Variants in CCDC83 observed in about 807,000 individuals in gnomAD.
CCDC83 encodes coiled-coil domain-containing protein 83.
Under a neutral mutation model 50.1 loss-of-function variants are expected in CCDC83, and 54 were observed. The observed-to-expected ratio is 1.08, with a 90% CI of 0.87 to 1.35. The LOEUF (loss-of-function observed/expected upper bound fraction) is 1.35, where lower values mean the gene tolerates loss of function less well. CCDC83 is among the 40% of genes most tolerant of loss of function. CCDC83 has a pLI of 0.00. For missense variants in CCDC83, 518 were observed against 473.9 expected (o/e 1.09, Z -0.86); for synonymous variants, 161 against 153.3 (o/e 1.05, Z -0.37).
At chr11:85,877,147 T>C (rs1261170709) in intron 3 of CCDC83, among the ~76,000 whole-genome samples, 1 of 152,192 alleles carries the variant, frequency 6.6e-6, no homozygotes. Flanking sequence ...TGATATTAAA[T>C]TTATATATAA....
Position 85,919,870 on chromosome 11 carries a change from T to C in CCDC83, c.*360T>C, listed in dbSNP as rs924734605. 8.7e-5 allele frequency: 20 copies of C among 229,132 alleles called. No homozygotes were observed. The highest frequency in any genetic ancestry group is 1.3e-4 in the Non-Finnish European group (15 of 118,346). The allele number at this position is 229,132 out of a possible 1,614,324, so 14.2% of individuals were successfully genotyped here. On this transcript the variant is annotated 3_prime_UTR_variant, in exon 11 of 11. Coordinates refer to ENST00000342404, the MANE Select transcript of CCDC83 (RefSeq NM_001286159.2). ...TCTAAGAAAAACTTAGAAGTTTGCATAGCATTGTCTACACATCTTTCCCTC... is the reference window on the plus strand; with the variant it reads ...TCTAAGAAAAACTTAGAAGTTTGCACAGCATTGTCTACACATCTTTCCCTC...
intron 6 of CCDC83, among the ~76,000 whole-genome samples, chr11:85,898,030 C>A (rs78563874): frequency 6.6e-6 from 1 of 151,602 alleles, no homozygotes; most frequent in Non-Finnish European, 1.5e-5. Context: ...CAGTGGTGGG[C>A]GCCTGTAATC....
intron 5 of CCDC83, 66 bp downstream of exon 5, chr11:85,886,433 A>T: frequency 7.7e-6 from 10 of 1,305,320 alleles, no homozygotes; most frequent in Non-Finnish European, 9.2e-6. Flanking sequence ...ACATTGATGG[A>T]AGAAAAAAGT....
chr11:85,866,686 A>G (rs2093209220), intron 2 of CCDC83, among the ~76,000 whole-genome samples: 1 of 152,000 alleles, frequency 6.6e-6, no homozygotes, highest in Non-Finnish European at 1.5e-5. Flanking sequence ...AAACAGAAAA[A>G]AACATGGCTA....
chr11:85,899,617 G>C (rs2093391576), intron 7 of CCDC83, among the ~76,000 whole-genome samples: 1 of 152,120 alleles, frequency 6.6e-6, no homozygotes, highest in South Asian at 2.1e-4. Flanking sequence ...TCCTTCCCCA[G>C]TGTTTTCTTG....
rs1022591661 is a variant in CCDC83, at chr11:85,879,102, G to C, written c.181-3411G>C. On this transcript the variant is annotated intron_variant, in intron 3 of 10. Transcript: ENST00000342404. ...AGTTTGTCTTTCATCCTCACAAAAAGGTCTGTAACAGAGTAAAAGTTTTTA... is the reference window on the plus strand; with the variant it reads ...AGTTTGTCTTTCATCCTCACAAAAACGTCTGTAACAGAGTAAAAGTTTTTA... 4.0e-4 allele frequency among the ~76,000 whole-genome samples: 61 copies of C among 152,048 alleles called. 1 individual carries two copies. The highest frequency in any genetic ancestry group is 9.8e-4 in the Admixed American group (15 of 15,266).
chr11:85,860,334 A>C (rs2093168851), intron 1 of CCDC83, among the ~76,000 whole-genome samples: 1 of 151,850 alleles, frequency 6.6e-6, no homozygotes, highest in African/African-American at 2.4e-5. Flanking sequence ...AAGGCAAAGA[A>C]CATGAACAGA....
intron 7 of CCDC83, among the ~76,000 whole-genome samples, chr11:85,910,754 A>C (rs1448487567): frequency 1.3e-5 from 2 of 152,226 alleles, no homozygotes; most frequent in African/African-American, 4.8e-5. Context: ...TGATGATCTA[A>C]AAATGATTTC....
chr11:85,914,472 T>C (rs562069527), intron 8 of CCDC83, among the ~76,000 whole-genome samples: 1 of 152,298 alleles, frequency 6.6e-6, no homozygotes, highest in East Asian at 1.9e-4. Flanking sequence ...GCTGGGCTTG[T>C]AGGTGAAGCA....
intron 5 of CCDC83, among the ~76,000 whole-genome samples, chr11:85,892,270 T>C: frequency 6.6e-6 from 1 of 152,288 alleles, no homozygotes; most frequent in Middle Eastern, 3.4e-3. Context: ...TGCACAGTCC[T>C]AATCTGCCAA....
chr11:85,864,580 A>G lies in CCDC83; in HGVS notation c.-28-516A>G, dbSNP rs773609034. On this transcript the variant is annotated intron_variant, in intron 1 of 10. Coordinates refer to ENST00000342404, the MANE Select transcript of CCDC83 (RefSeq NM_001286159.2). ...TCTCAACCATTTTAAAAGTACTTCA[A>G]TGTGTGCTTTTATTTGCTGTTTGTA... Among the ~76,000 whole-genome samples, 8 of 152,262 alleles carry G rather than the reference A, an allele frequency of 5.3e-5. No individual in the cohort carries two copies. In the South Asian group the frequency reaches 1.7e-3, roughly 32 times the overall value.
chr11:85,895,168 A>G (rs76736078), intron 5 of CCDC83, 125 bp from the exon 6 acceptor site: 12,190 of 509,450 alleles, frequency 0.024, 857 homozygotes, highest in Middle Eastern at 0.045. Flanking sequence ...TAAAGTCTTC[A>G]TACTTCTGTT....
chr11:85,868,974 T>C (rs2093222669), intron 2 of CCDC83, among the ~76,000 whole-genome samples: 1 of 152,236 alleles, frequency 6.6e-6, no homozygotes, highest in Non-Finnish European at 1.5e-5. Flanking sequence ...AGCCTTATAG[T>C]ATGAGCTCAG....
At chr11:85,901,817 C>T (rs1483441539) in intron 7 of CCDC83, among the ~76,000 whole-genome samples, 1 of 151,494 alleles carries the variant, frequency 6.6e-6, no homozygotes, top group East Asian at 1.9e-4. Context: ...TTGCTAGAGC[C>T]CAGGCATTCA....
At chr11:85,917,196 A>AAGAG (rs761555822) in intron 10 of CCDC83, among the ~76,000 whole-genome samples, 1 of 112,578 alleles carries the variant, frequency 8.9e-6, no homozygotes, top group Non-Finnish European at 2.0e-5. Flanking sequence ...AAGAAAGAGA[A>AAGAG]AGAAAGAAAG....
intron 7 of CCDC83, among the ~76,000 whole-genome samples, chr11:85,906,828 T>A (rs1034403554): frequency 2.1e-5 from 3 of 146,096 alleles, no homozygotes; most frequent in Non-Finnish European, 4.7e-5. Flanking sequence ...GAGGCTGTAG[T>A]AAGCCATGTT....
At chr11:85,883,274 G>T (rs1455076197) in intron 4 of CCDC83, among the ~76,000 whole-genome samples, 1 of 151,794 alleles carries the variant, frequency 6.6e-6, no homozygotes, top group Non-Finnish European at 1.5e-5. Flanking sequence ...TCATAGTAGG[G>T]TTTTGTTCTT....
intron 5 of CCDC83, among the ~76,000 whole-genome samples, chr11:85,887,453 A>G (rs180808867): frequency 2.4e-4 from 36 of 152,190 alleles, no homozygotes; most frequent in African/African-American, 8.7e-4. Flanking sequence ...ACCAATTTGT[A>G]TGTAAGTTTC....
intron 2 of CCDC83, among the ~76,000 whole-genome samples, chr11:85,865,765 G>A (rs11234453): frequency 0.074 from 11,289 of 152,106 alleles, 492 homozygotes; most frequent in South Asian, 0.1. Context: ...GCGCGTGCCT[G>A]TAATCCCAGC....
Sources: gnomAD v4.1 joint callset for allele counts (sites outside exome capture counted in the v4.1 genomes callset) on GRCh38, gnomAD v4.1.1 for gene constraint, MANE v1.5 for transcripts, NCBI Gene and HGNC (gene_info 2026-07-23, HGNC 2026-07-21) for gene names.